GSE1: variants seen among roughly 807,000 people sequenced by gnomAD.
The protein encoded by GSE1 is genetic suppressor element 1.
A neutral mutation model predicts 112.6 loss-of-function variants in GSE1; 32 were observed. The ratio of observed to expected loss-of-function variants is 0.28; its 90% CI spans 0.21 to 0.38. GSE1 has a LOEUF of 0.38. Among genes scored for constraint, GSE1 ranks in the 10% least tolerant of loss-of-function variants. The pLI is 1.00. For missense variants in GSE1, 2,348 were observed against 1,699.2 expected (o/e 1.38, Z -6.71); for synonymous variants, 1,115 against 735.6 (o/e 1.52, Z -8.35).
intron 2 of GSE1, among the ~76,000 whole-genome samples, chr16:85,491,994 T>G (rs2051025101): frequency 6.6e-6 from 1 of 152,080 alleles, no homozygotes; most frequent in Non-Finnish European, 1.5e-5. Flanking sequence ...ATCTTTCTGC[T>G]TACCTGGGCA....
intron 1 of GSE1, among the ~76,000 whole-genome samples, chr16:85,310,188 C>T (rs767495596): frequency 1.2e-4 from 19 of 152,278 alleles, no homozygotes; most frequent in South Asian, 2.1e-4. Context: ...GGCGCCCCCA[C>T]GCCCTGACCC....
At chr16:85,535,582 G>A (rs1345907478) in intron 2 of GSE1, among the ~76,000 whole-genome samples, 1 of 152,214 alleles carries the variant, frequency 6.6e-6, no homozygotes, top group Non-Finnish European at 1.5e-5. Context: ...GGCCCTCTGG[G>A]TGTGACAGTT....
chr16:85,447,951 C>A (rs1364476023), intron 2 of GSE1, among the ~76,000 whole-genome samples: 1 of 152,186 alleles, frequency 6.6e-6, no homozygotes, highest in Non-Finnish European at 1.5e-5. Flanking sequence ...GCTGCTGATA[C>A]CTCAGGGCTT....
chr16:85,461,401 C>G (rs1195367016), intron 2 of GSE1, among the ~76,000 whole-genome samples: 1 of 152,186 alleles, frequency 6.6e-6, no homozygotes, highest in African/African-American at 2.4e-5. Context: ...CAAAGGATCT[C>G]TACCTTGGCT....
At chr16:85,287,799 C>G (rs2045081525) in intron 1 of GSE1, among the ~76,000 whole-genome samples, 3 of 152,156 alleles carry the variant, frequency 2.0e-5, no homozygotes, top group Admixed American at 2.0e-4. Flanking sequence ...GTCTCCTGCC[C>G]TCACCCCTGC....
chr16:85,183,082 C>G (rs978955359), intron 1 of GSE1, among the ~76,000 whole-genome samples: 1 of 152,196 alleles, frequency 6.6e-6, no homozygotes, highest in African/African-American at 2.4e-5. Flanking sequence ...TGTGCCCACA[C>G]ACTCACATGC....
intron 1 of GSE1, among the ~76,000 whole-genome samples, chr16:85,177,108 G>A (rs533875791): frequency 6.6e-6 from 1 of 152,224 alleles, no homozygotes; most frequent in African/African-American, 2.4e-5. Flanking sequence ...GGAGGCAGTC[G>A]GAGAAAACCA....
At chr16:85,554,416 C>A (rs369528761), upstream of GSE1, among the ~76,000 whole-genome samples, 1 of 152,142 alleles carries the variant, frequency 6.6e-6, no homozygotes, top group African/African-American at 2.4e-5. Context: ...TATGGTGCAG[C>A]CGGGGCTTGC....
chr16:85,462,142 C>T (rs949624506), intron 2 of GSE1, among the ~76,000 whole-genome samples: 1 of 152,298 alleles, frequency 6.6e-6, no homozygotes, highest in Non-Finnish European at 1.5e-5. Context: ...CCCTCTGTCC[C>T]CAGCACCCAG....
At chr16:85,605,606 G>C (rs1003859013) in intron 1 of GSE1, among the ~76,000 whole-genome samples, 3 of 151,968 alleles carry the variant, frequency 2.0e-5, no homozygotes, top group Non-Finnish European at 1.5e-5. Context: ...TGCAGTGGGT[G>C]GAGATTTGCC....
At chr16:85,483,637 G>A (rs779210464) in intron 2 of GSE1, among the ~76,000 whole-genome samples, 11 of 152,378 alleles carry the variant, frequency 7.2e-5, no homozygotes, top group East Asian at 1.9e-4. Flanking sequence ...CCGAGGCGGC[G>A]GGCTGAGACG....
chr16:85,625,460 G>A (rs1301716224), intron 1 of GSE1, among the ~76,000 whole-genome samples: 1 of 152,194 alleles, frequency 6.6e-6, no homozygotes, highest in Non-Finnish European at 1.5e-5. Context: ...CCTCAAAACT[G>A]TAGTGTGGCG....
At chr16:85,179,143 G>A (rs551258519) in intron 1 of GSE1, among the ~76,000 whole-genome samples, 34 of 152,146 alleles carry the variant, frequency 2.2e-4, no homozygotes, top group Middle Eastern at 3.4e-3. Context: ...CCCTGTGCCC[G>A]TCAGGAGTCA....
chr16:85,395,257 A>G (rs2047939798), intron 2 of GSE1, among the ~76,000 whole-genome samples: 1 of 152,186 alleles, frequency 6.6e-6, no homozygotes, highest in African/African-American at 2.4e-5. Flanking sequence ...TACGAGGCCC[A>G]GAAAAATCCA....
chr16:85,178,532 T>A (rs1444079548), intron 1 of GSE1, among the ~76,000 whole-genome samples: 4 of 151,924 alleles, frequency 2.6e-5, no homozygotes, highest in Admixed American at 2.6e-4. Flanking sequence ...TCCCGGGCCA[T>A]GGTATTTTAA....
chr16:85,398,205 T>G (rs2048012086), intron 2 of GSE1, among the ~76,000 whole-genome samples: 1 of 152,136 alleles, frequency 6.6e-6, no homozygotes, highest in African/African-American at 2.4e-5. Flanking sequence ...AGGATGGTTG[T>G]GAGCACTGGG....
rs549990686 is a variant in GSE1, at chr16:85,327,026, G to A, written c.2284-30437G>A. On this transcript the variant is annotated intron_variant, in intron 1 of 2. Transcript: ENST00000637419. ...GCACCAGGGGAGGCAGCTCCCCTAG[G>A]GCTGGAGCATCTACTTCCAAGACAG... 4.8e-4 allele frequency among the ~76,000 whole-genome samples: 73 copies of A among 152,318 alleles called. 2 individuals are homozygous for A. Among genetic ancestry groups the A allele is most frequent in the Admixed American group, 3.9e-3 (59 of 15,300 alleles).
intron 2 of GSE1, among the ~76,000 whole-genome samples, chr16:85,379,633 T>C (rs4783177): frequency 0.96 from 145,852 of 152,290 alleles, 70,182 homozygotes; most frequent in East Asian, 1. Context: ...CGTTTTCCTG[T>C]GGCCCCTCCC....
At chr16:85,590,076 TGAA>T (rs1397657290) in intron 1 of GSE1, among the ~76,000 whole-genome samples, 1 of 152,054 alleles carries the variant, frequency 6.6e-6, no homozygotes, top group Non-Finnish European at 1.5e-5. Context: ...TATCTGATTG[TGAA>T]GGTGTGTGTG....
Sources: allele counts gnomAD v4.1 joint callset (sites outside exome capture counted in the v4.1 genomes callset), GRCh38; gene constraint gnomAD v4.1.1; transcripts MANE v1.5; gene names NCBI Gene and HGNC (gene_info 2026-07-23, HGNC 2026-07-21).